Variants in GFM2 observed in about 807,000 individuals in gnomAD.
GFM2 encodes the protein ribosome-releasing factor 2, mitochondrial.
A neutral mutation model predicts 95.4 loss-of-function variants in GFM2; 72 were observed. That is an observed-to-expected ratio of 0.76 (90% CI 0.62 to 0.92). The LOEUF is 0.92. Among genes scored for constraint, GFM2 ranks in the 40% least tolerant of loss-of-function variants. The probability of loss-of-function intolerance (pLI) is 0.00; values close to 1 mark genes in which losing one functional copy is unlikely to be tolerated. For missense variants in GFM2, 825 were observed against 924.1 expected, an observed-to-expected ratio of 0.89 and a Z score of 1.39; for synonymous variants, 276 against 317.5, an observed-to-expected ratio of 0.87 and a Z score of 1.39.
intron 1 of GFM2, among the ~76,000 whole-genome samples, chr5:74,764,492 GT>G (rs947934125): frequency 1.3e-5 from 2 of 151,866 alleles, no homozygotes; most frequent in African/African-American, 2.4e-5. Flanking sequence ...ATATTATGAG[GT>G]TTTTTTTATT....
chr5:74,730,329 G>A lies in GFM2; in HGVS notation c.1657C>T (p.Leu553=). 6.2e-7 allele frequency: 1 copy of A among 1,612,714 alleles called. No homozygotes were observed. Among genetic ancestry groups the A allele is most frequent in the Non-Finnish European group, 8.5e-7 (1 of 1,178,780 alleles). Residue 553 remains leucine, a synonymous_variant, in exon 17 of 21, where the codon CTG becomes TTG. Coordinates refer to ENST00000296805, the MANE Select transcript of GFM2 (RefSeq NM_032380.5). The part of the protein sequence containing the change: ...IHDRIKREYG[L]ETYLGPLQVA... ...TGGAGAGGCCCGAGATAGGTCTCCA[G>A]TCCATATTCCCTCTTGATTCGATCA...
chr5:74,764,409 G>A (rs953728235), intron 1 of GFM2, among the ~76,000 whole-genome samples: 3 of 152,210 alleles, frequency 2.0e-5, no homozygotes, highest in African/African-American at 7.2e-5. Flanking sequence ...TGTCCAACCC[G>A]TGGCCTGCAG....
chr5:74,739,722 T>C (rs1743018558), intron 12 of GFM2, among the ~76,000 whole-genome samples: 1 of 152,152 alleles, frequency 6.6e-6, no homozygotes. Flanking sequence ...ATATCACTTT[T>C]CTAAGACTAA....
Position 74,759,386 on chromosome 5 carries a change from G to T in GFM2, c.189C>A (p.Ile63=). The change falls in exon 4 of 21, where the codon ATC becomes ATA. Residue 63 remains isoleucine (I), a synonymous_variant. Coordinates refer to ENST00000296805, the MANE Select transcript of GFM2 (RefSeq NM_032380.5). ...GTACTTACTTAGCTATGGGAGGATTGATGATGGAATGAAGGGATTTGATAT... is the reference window on the plus strand; with the variant it reads ...GTACTTACTTAGCTATGGGAGGATTTATGATGGAATGAAGGGATTTGATAT... ...GNDIKSLHSI[I]NPPIAKIRNI... is the part of the protein sequence containing the mutation. The T allele has an allele frequency of 6.5e-7, 1 of 1,537,896 alleles. No homozygotes were observed. Among genetic ancestry groups the T allele is most frequent in the Non-Finnish European group, 9.0e-7 (1 of 1,115,616 alleles).
intron 5 of GFM2, among the ~76,000 whole-genome samples, chr5:74,757,027 T>C (rs1744022423): frequency 6.6e-6 from 1 of 151,996 alleles, no homozygotes; most frequent in East Asian, 1.9e-4. Flanking sequence ...AAAGAACTTA[T>C]GTAACCAACC....
At chr5:74,734,296 T>C (rs1026239130) in intron 15 of GFM2, among the ~76,000 whole-genome samples, 14 of 152,152 alleles carry the variant, frequency 9.2e-5, no homozygotes, top group African/African-American at 3.4e-4. Context: ...TATTGATATA[T>C]TGAAGTAATA....
intron 16 of GFM2, among the ~76,000 whole-genome samples, chr5:74,731,337 T>C (rs1478719138): frequency 2.0e-5 from 3 of 152,180 alleles, no homozygotes; most frequent in African/African-American, 7.2e-5. Flanking sequence ...TTTGAACCAA[T>C]GAAGACTAAA....
chr5:74,736,246 A>ATTTCCAATTAGAT, intron 15 of GFM2: 1 of 436,224 alleles, frequency 2.3e-6, no homozygotes, highest in Non-Finnish European at 3.0e-6. Flanking sequence ...GGAAATTATA[A>ATTTCCAATTAGAT]TTGGAATCAT....
chr5:74,736,726 G>A (rs772764501), intron 15 of GFM2, 70 bp downstream of exon 15: 1 of 1,594,332 alleles, frequency 6.3e-7, no homozygotes, highest in Non-Finnish European at 8.6e-7. Flanking sequence ...AATCTCTTGA[G>A]GGTATATTGC....
In GFM2 at chr5:74,721,283, ATTGAACCT is replaced by A; in HGVS notation, c.*364_*371del. The A allele has an allele frequency of 1.1e-6, 1 of 948,362 alleles. No individual in the cohort carries two copies. Among genetic ancestry groups the A allele is most frequent in the African/African-American group, 1.6e-5 (1 of 61,226 alleles). The allele number at this position is 948,362 out of a possible 1,614,324, so 58.7% of individuals were successfully genotyped here. A position where few individuals can be genotyped will look rare whatever the true frequency, so the allele number is the denominator to read the frequency against. On this transcript the variant is annotated 3_prime_UTR_variant, in exon 21 of 21. Coordinates refer to ENST00000296805, the MANE Select transcript of GFM2 (RefSeq NM_032380.5). ...TTTTTTGAATAAAATATTTTTATTG[ATTGAACCT>A]TTGACCCTCTATCTTATTACATTTA...
At chr5:74,758,744 G>A (rs1312275793) in intron 5 of GFM2, 105 bp downstream of exon 5, 1 of 693,404 alleles carries the variant, frequency 1.4e-6, no homozygotes, top group African/African-American at 1.8e-5. Context: ...GACATCAGTA[G>A]CTCTATGCCA....
intron 17 of GFM2, among the ~76,000 whole-genome samples, chr5:74,728,157 T>TG (rs1273448001): frequency 6.6e-6 from 1 of 152,174 alleles, no homozygotes; most frequent in African/African-American, 2.4e-5. Context: ...TTGAATAATG[T>TG]GGGGGCTAGG....
chr5:74,740,142 A>T lies in GFM2; in HGVS notation c.931-5T>A. The T allele has an allele frequency of 1.3e-6, 2 of 1,591,388 alleles. No individual in the cohort carries two copies. Among genetic ancestry groups the T allele is most frequent in the Non-Finnish European group, 1.7e-6 (2 of 1,172,346 alleles). The stretch of plus-strand genomic sequence containing the variant: ...TCTATGTATTGCAGTCTGTAGCTAC[A>T]GAGCAGAGATACAAATGAGCATTTA... On this transcript the variant is annotated splice_region_variant and splice_polypyrimidine_tract_variant and intron_variant, in intron 11 of 20. Coordinates refer to ENST00000296805, the MANE Select transcript of GFM2 (RefSeq NM_032380.5).
rs767689482 is a variant in GFM2 at position 74,747,680 on chromosome 5, C to A, written c.608+12G>T. The A allele has an allele frequency of 4.6e-6, 7 of 1,531,518 alleles. No homozygotes were observed. The East Asian group carries it at 6.8e-5, about 15-fold the overall frequency. 94.9% of individuals were successfully genotyped at this position (1,531,518 alleles called of 1,614,324 possible). On this transcript the variant is annotated intron_variant, in intron 8 of 20. Transcript: ENST00000296805. ...TTCACCCTGATAAGCCAATGAAACACATTTCAAATACCTTGCTCCAGTTTT... is the reference window on the plus strand; with the variant it reads ...TTCACCCTGATAAGCCAATGAAACAAATTTCAAATACCTTGCTCCAGTTTT...
chr5:74,737,013 G>C (rs754079919), intron 14 of GFM2, 28 bp from the exon 15 acceptor site: 25 of 1,610,112 alleles, frequency 1.6e-5, no homozygotes, highest in Admixed American at 3.3e-5. Context: ...GACTTGGAAC[G>C]AAAGTGGCAT....
chr5:74,747,443 T>C (rs1743442978), intron 8 of GFM2, among the ~76,000 whole-genome samples: 1 of 152,214 alleles, frequency 6.6e-6, no homozygotes, highest in African/African-American at 2.4e-5. Flanking sequence ...CTCAGAAATA[T>C]GATTCAGTCT....
chr5:74,728,795 T>A (rs1039878257), intron 17 of GFM2, among the ~76,000 whole-genome samples: 1 of 145,180 alleles, frequency 6.9e-6, no homozygotes, highest in Non-Finnish European at 1.5e-5. Context: ...CTCACTCTGT[T>A]GCCTGGGTTG....
chr5:74,758,058 T>C (rs1744090258), intron 5 of GFM2, among the ~76,000 whole-genome samples: 1 of 152,184 alleles, frequency 6.6e-6, no homozygotes, highest in Admixed American at 6.5e-5. Flanking sequence ...TAGTTAACAC[T>C]TAGAAATAGT....
chr5:74,765,650 T>C (rs1369264315), intron 1 of GFM2, among the ~76,000 whole-genome samples: 2 of 152,124 alleles, frequency 1.3e-5, no homozygotes, highest in Non-Finnish European at 2.9e-5. Flanking sequence ...CTAGTTACTA[T>C]TTCTGGTTTT....
Sources: gnomAD v4.1 joint callset for allele counts (sites outside exome capture counted in the v4.1 genomes callset) on GRCh38, gnomAD v4.1.1 for gene constraint, MANE v1.5 for transcripts, NCBI Gene and HGNC (gene_info 2026-07-23, HGNC 2026-07-21) for gene names.